Variants in NFXL1 observed in about 807,000 individuals in gnomAD.
NFXL1 encodes nuclear transcription factor, X-box binding like 1.
Under a neutral mutation model 123.3 loss-of-function variants are expected in NFXL1, and 66 were observed. That is an observed-to-expected ratio of 0.54 (90% confidence interval 0.44 to 0.66). NFXL1 has a LOEUF of 0.66. NFXL1 is among the 30% of genes least tolerant of loss of function. The probability of loss-of-function intolerance (pLI) is 0.00; values close to 1 mark genes in which losing one functional copy is unlikely to be tolerated. For missense variants in NFXL1, 944 were observed against 1,125.6 expected (o/e 0.84, Z 2.31); for synonymous variants, 346 against 360.8 (o/e 0.96, Z 0.46).
chr4:47,856,707 C>T (rs1195955614), intron 19 of NFXL1, among the ~76,000 whole-genome samples: 1 of 152,202 alleles, frequency 6.6e-6, no homozygotes, highest in Non-Finnish European at 1.5e-5. Flanking sequence ...AGATCACTCA[C>T]ACTGTGCACT....
intron 2 of NFXL1, among the ~76,000 whole-genome samples, chr4:47,912,652 G>T (rs1200402670): frequency 1.4e-5 from 2 of 147,770 alleles, no homozygotes; most frequent in Non-Finnish European, 3.0e-5. Flanking sequence ...TAGAGACGGG[G>T]TTTCACCCTG....
chr4:47,910,001 A>G (rs1172049170), intron 3 of NFXL1, among the ~76,000 whole-genome samples: 1 of 152,140 alleles, frequency 6.6e-6, no homozygotes, highest in Non-Finnish European at 1.5e-5. Context: ...TAAAGTATAA[A>G]AGGCAGAAAG....
intron 22 of NFXL1, 101 bp downstream of exon 22, chr4:47,850,994 T>C (rs903655616): frequency 3.6e-6 from 3 of 835,502 alleles, no homozygotes; most frequent in African/African-American, 3.4e-5. Context: ...CAGTTCACAA[T>C]AGAGACTAGA....
intron 19 of NFXL1, among the ~76,000 whole-genome samples, chr4:47,862,403 T>A (rs1734818495): frequency 6.6e-6 from 1 of 152,336 alleles, no homozygotes; most frequent in African/African-American, 2.4e-5. Flanking sequence ...TTCAAAATGC[T>A]GTGGATATGA....
chr4:47,873,353 G>C (rs1735560531), intron 18 of NFXL1, among the ~76,000 whole-genome samples: 1 of 152,090 alleles, frequency 6.6e-6, no homozygotes. Context: ...AATTTACCCA[G>C]ATCTATCAGA....
chr4:47,858,410 C>A (rs1734531407), intron 19 of NFXL1, among the ~76,000 whole-genome samples: 1 of 152,152 alleles, frequency 6.6e-6, no homozygotes, highest in Non-Finnish European at 1.5e-5. Context: ...TGCATGCCTA[C>A]AGAAATCTGT....
At chr4:47,866,621 T>C (rs1160474344) in intron 18 of NFXL1, among the ~76,000 whole-genome samples, 1 of 152,216 alleles carries the variant, frequency 6.6e-6, no homozygotes, top group East Asian at 1.9e-4. Context: ...GAAACACTGC[T>C]TATACAGAAG....
intron 9 of NFXL1, among the ~76,000 whole-genome samples, chr4:47,897,669 T>G (rs1737162063): frequency 6.6e-6 from 1 of 152,168 alleles, no homozygotes; most frequent in African/African-American, 2.4e-5. Flanking sequence ...GACAAATGTA[T>G]AATGACATAT....
At chr4:47,907,085 C>G (rs1397594962) in intron 3 of NFXL1, among the ~76,000 whole-genome samples, 2 of 152,152 alleles carry the variant, frequency 1.3e-5, no homozygotes, top group South Asian at 2.1e-4. Flanking sequence ...ACATGTTAAG[C>G]AGCTGTAAAG....
intron 20 of NFXL1, chr4:47,852,177 A>G: frequency 4.7e-6 from 2 of 428,324 alleles, no homozygotes; most frequent in Non-Finnish European, 8.3e-6. Context: ...CAACTTAATA[A>G]TTACTATGTG....
rs1738010666 is a variant in NFXL1 at position 47,914,414 on chromosome 4, G to C, written c.-52C>G. On this transcript the variant is annotated 5_prime_UTR_variant, in exon 1 of 23. Coordinates refer to ENST00000507489, the MANE Select transcript of NFXL1 (RefSeq NM_001278624.2). ...CGGGCTTTGGAGATGGACCGAAGAGGGGAGGGAGGACTAGGTACAGAAATA... is the reference window on the plus strand; with the variant it reads ...CGGGCTTTGGAGATGGACCGAAGAGCGGAGGGAGGACTAGGTACAGAAATA... The C allele has an allele frequency of 1.9e-6, 1 of 527,234 alleles. No individual in the cohort carries two copies. The highest frequency in any genetic ancestry group is 3.3e-5 in the Admixed American group (1 of 30,282). 32.7% of individuals were successfully genotyped at this position (527,234 alleles called of 1,614,324 possible). A position where few individuals can be genotyped will look rare whatever the true frequency, so the allele number is the denominator to read the frequency against.
At chr4:47,854,940 CAA>C (rs373169214) in intron 20 of NFXL1, 117 bp downstream of exon 20, 13,749 of 193,526 alleles carry the variant, frequency 0.071, no homozygotes, top group East Asian at 0.085. Flanking sequence ...AATTAAAAGG[CAA>C]AAAAAAAAAA....
At position 47,899,132 on chromosome 4, in the gene NFXL1, T is replaced by C; in HGVS notation, c.827-12A>G. The C allele has an allele frequency of 8.1e-7, 1 of 1,226,996 alleles. No homozygotes were observed. The highest frequency in any genetic ancestry group is 1.0e-6 in the Non-Finnish European group (1 of 957,994). The allele number at this position is 1,226,996 out of a possible 1,614,324, so 76.0% of individuals were successfully genotyped here. A position where few individuals can be genotyped will look rare whatever the true frequency, so the allele number is the denominator to read the frequency against. On this transcript the variant is annotated splice_polypyrimidine_tract_variant and intron_variant, in intron 6 of 22. Transcript: ENST00000507489. ...AGGAGGGCAGGGACCTAGAATTCAG[T>C]AAAAGCAAAAAAAAAAAAAAAAAAA...
chr4:47,850,955 C>G, intron 22 of NFXL1, 140 bp downstream of exon 22: 1 of 611,412 alleles, frequency 1.6e-6, no homozygotes, highest in Non-Finnish European at 2.9e-6. Context: ...GTAGATGGCT[C>G]ATTTTTGTTT....
At chr4:47,887,735 T>C (rs1736525832) in intron 12 of NFXL1, among the ~76,000 whole-genome samples, 2 of 152,324 alleles carry the variant, frequency 1.3e-5, no homozygotes, top group African/African-American at 2.4e-5. Context: ...GTAACCTTTT[T>C]GTTATTCTAA....
At chr4:47,892,049 G>C (rs1736805548) in intron 11 of NFXL1, among the ~76,000 whole-genome samples, 1 of 152,176 alleles carries the variant, frequency 6.6e-6, no homozygotes, top group Admixed American at 6.5e-5. Context: ...TGTGGTCCAT[G>C]ACTTGAATAA....
chr4:47,871,841 A>C (rs1000599612), intron 18 of NFXL1, among the ~76,000 whole-genome samples: 2 of 152,256 alleles, frequency 1.3e-5, no homozygotes, highest in African/African-American at 4.8e-5. Flanking sequence ...ATGTTAGCTA[A>C]TATGAACAGG....
chr4:47,883,377 A>C (rs1463532514), intron 15 of NFXL1, among the ~76,000 whole-genome samples: 1 of 152,180 alleles, frequency 6.6e-6, no homozygotes, highest in Non-Finnish European at 1.5e-5. Flanking sequence ...GTTTCTCTCA[A>C]GGAAAAATTT....
At chr4:47,895,993 T>C (rs1012909466) in intron 10 of NFXL1, among the ~76,000 whole-genome samples, 1 of 152,146 alleles carries the variant, frequency 6.6e-6, no homozygotes, top group African/African-American at 2.4e-5. Flanking sequence ...TCTCAGGGAA[T>C]AGGAAGGCCC....
Sources: gnomAD v4.1 joint callset for allele counts (sites outside exome capture counted in the v4.1 genomes callset) on GRCh38, gnomAD v4.1.1 for gene constraint, MANE v1.5 for transcripts, NCBI Gene and HGNC (gene_info 2026-07-23, HGNC 2026-07-21) for gene names.